The following CTNND2 variants were observed in gnomAD, a reference collection of about 807,000 sequenced individuals.
CTNND2 encodes catenin delta 2, also known as catenin delta-2.
A neutral mutation model predicts 144.4 loss-of-function variants in CTNND2; 22 were observed. The observed-to-expected ratio is 0.15, with a 90% confidence interval of 0.11 to 0.22. CTNND2 has a LOEUF of 0.22. CTNND2 is among the 10% of genes least tolerant of loss of function. The pLI, the probability that CTNND2 is intolerant of heterozygous loss-of-function variation, is 1.00. For synonymous variants in CTNND2, 751 were observed against 695.6 expected (o/e 1.08, Z -1.25); for missense variants, 1,353 against 1,618.8 (o/e 0.84, Z 2.82).
At chr5:10,987,034 C>G (rs1738056797) in intron 20 of CTNND2, among the ~76,000 whole-genome samples, 1 of 151,798 alleles carries the variant, frequency 6.6e-6, no homozygotes, top group Non-Finnish European at 1.5e-5. Flanking sequence ...TATGAATGCT[C>G]TAACATGGCC....
intron 1 of CTNND2, among the ~76,000 whole-genome samples, chr5:11,811,840 C>G (rs1792351524): frequency 6.6e-6 from 1 of 152,130 alleles, no homozygotes; most frequent in Non-Finnish European, 1.5e-5. Flanking sequence ...TGTTGTTGAA[C>G]AGCAGGAACT....
intron 3 of CTNND2, among the ~76,000 whole-genome samples, chr5:11,422,969 ATT>A (rs770331693): frequency 5.3e-5 from 8 of 152,218 alleles, no homozygotes; most frequent in Non-Finnish European, 7.3e-5. Context: ...GGGGCTAGGT[ATT>A]ATTTTTCAAA....
chr5:11,903,983 G>T lies in CTNND2; in HGVS notation c.-130C>A. 9.1e-7 allele frequency: 1 copy of T among 1,104,382 alleles called. No homozygotes were observed. The highest frequency in any genetic ancestry group is 3.3e-5 in the South Asian group (1 of 30,588). 68.4% of individuals were successfully genotyped at this position (1,104,382 alleles called of 1,614,324 possible). A position where few individuals can be genotyped will look rare whatever the true frequency, so the allele number is the denominator to read the frequency against. ...TTTTGTTGTCTGAGCGCGGCCGCGG[G>T]ACAAGGGATGCTGGCGGGCGGCAGG... On this transcript the variant is annotated 5_prime_UTR_variant, in exon 1 of 22. Transcript: ENST00000304623. The surrounding 1 kb of genome is among the most constrained non-coding windows in gnomAD (Gnocchi z 5.4).
rs114370636 is a variant in CTNND2 at position 11,830,150 on chromosome 5, C to T, written c.37+73667G>A. 7.9e-3 allele frequency among the ~76,000 whole-genome samples: 1,203 copies of T among 152,260 alleles called. 22 individuals carry two copies. The highest frequency in any genetic ancestry group is 0.027 in the African/African-American group (1,132 of 41,542). On this transcript the variant is annotated intron_variant, in intron 1 of 21. Coordinates refer to ENST00000304623, the MANE Select transcript of CTNND2 (RefSeq NM_001332.4). ...AGTAACTAACTTGCATTTCATCTTA[C>T]GGGCTCACAGGCAGAAGGGACCTGC...
At chr5:11,772,009 T>G (rs1189460536) in intron 1 of CTNND2, among the ~76,000 whole-genome samples, 2 of 152,202 alleles carry the variant, frequency 1.3e-5, no homozygotes, top group African/African-American at 4.8e-5. Flanking sequence ...CTTCATTGTT[T>G]TATGAGGCAA....
At chr5:11,288,351 G>A (rs1356331092) in intron 9 of CTNND2, among the ~76,000 whole-genome samples, 2 of 150,344 alleles carry the variant, frequency 1.3e-5, no homozygotes, top group Non-Finnish European at 3.0e-5. Flanking sequence ...TTTTAAATAC[G>A]ACTTGGGAAA....
chr5:11,794,031 T>C (rs930608185), intron 1 of CTNND2, among the ~76,000 whole-genome samples: 1 of 152,244 alleles, frequency 6.6e-6, no homozygotes, highest in South Asian at 2.1e-4. Context: ...TTCTCCACCC[T>C]TGGTGACCAA....
At chr5:11,778,309 C>T (rs902751290) in intron 1 of CTNND2, among the ~76,000 whole-genome samples, 8 of 152,004 alleles carry the variant, frequency 5.3e-5, no homozygotes, top group South Asian at 2.1e-4. Context: ...CAGAGCTGGG[C>T]GGGGCAGGGG....
chr5:11,884,217 T>C (rs1462768559), intron 1 of CTNND2, among the ~76,000 whole-genome samples: 1 of 152,222 alleles, frequency 6.6e-6, no homozygotes, highest in African/African-American at 2.4e-5. Flanking sequence ...TTTGTTGGCA[T>C]TGCTTTTGGT....
intron 9 of CTNND2, among the ~76,000 whole-genome samples, chr5:11,280,248 T>C (rs1242112699): frequency 1.3e-5 from 2 of 152,230 alleles, no homozygotes; most frequent in Non-Finnish European, 2.9e-5. Context: ...AAAGTGTTAA[T>C]ACCAACCTAC....
intron 15 of CTNND2, among the ~76,000 whole-genome samples, chr5:11,087,822 A>G (rs538745499): frequency 6.6e-6 from 1 of 152,326 alleles, no homozygotes; most frequent in South Asian, 2.1e-4. Context: ...ACTGAATTTT[A>G]GCCCATATGT....
intron 11 of CTNND2, among the ~76,000 whole-genome samples, chr5:11,174,358 G>C (rs938703125): frequency 7.2e-5 from 11 of 152,194 alleles, no homozygotes; most frequent in African/African-American, 2.7e-4. Context: ...CAGCAGCCCA[G>C]GGCTGGTCTT....
intron 1 of CTNND2, among the ~76,000 whole-genome samples, chr5:11,828,768 G>A (rs1793736358): frequency 6.6e-6 from 1 of 152,126 alleles, no homozygotes; most frequent in African/African-American, 2.4e-5. Flanking sequence ...ACCAGGAGTG[G>A]GGTGCTGTGA....
chr5:11,181,938 G>T (rs1384026849), intron 11 of CTNND2, among the ~76,000 whole-genome samples: 1 of 149,178 alleles, frequency 6.7e-6, no homozygotes, highest in Non-Finnish European at 1.5e-5. Context: ...TGTGTGGTGT[G>T]TGTGTGGGGG....
At chr5:11,605,677 C>T (rs1212992031) in intron 2 of CTNND2, among the ~76,000 whole-genome samples, 2 of 152,000 alleles carry the variant, frequency 1.3e-5, no homozygotes, top group Non-Finnish European at 2.9e-5. Context: ...TGCCATGGTT[C>T]ATAAAGATCA....
At chr5:11,015,632 C>T (rs1741529383) in intron 18 of CTNND2, among the ~76,000 whole-genome samples, 1 of 152,150 alleles carries the variant, frequency 6.6e-6, no homozygotes, top group Non-Finnish European at 1.5e-5. Context: ...CAAGAAAGAG[C>T]CTGGAGAGTG....
chr5:11,466,523 A>C (rs1766696628), intron 3 of CTNND2, among the ~76,000 whole-genome samples: 1 of 152,236 alleles, frequency 6.6e-6, no homozygotes, highest in Admixed American at 6.5e-5. Context: ...AACATCTAAA[A>C]ACTGAATTGT....
intron 2 of CTNND2, among the ~76,000 whole-genome samples, chr5:11,640,745 T>C (rs1781957343): frequency 6.6e-6 from 1 of 152,136 alleles, no homozygotes; most frequent in African/African-American, 2.4e-5. Flanking sequence ...CTGTTAGCAG[T>C]CACCTTTGTT....
intron 3 of CTNND2, among the ~76,000 whole-genome samples, chr5:11,481,637 AAG>A (rs1036970419): frequency 1.3e-5 from 2 of 151,870 alleles, no homozygotes; most frequent in Non-Finnish European, 2.9e-5. Flanking sequence ...GAGAGAGAGA[AAG>A]AGAAAGAGAC....
Sources: allele counts gnomAD v4.1 joint callset (sites outside exome capture counted in the v4.1 genomes callset), GRCh38; gene constraint gnomAD v4.1.1; non-coding constraint Gnocchi (gnomAD v3.1); transcripts MANE v1.5; gene names NCBI Gene and HGNC (gene_info 2026-07-23, HGNC 2026-07-21).